RBFOX1: variants seen among roughly 807,000 people sequenced by gnomAD.
RBFOX1 encodes RNA binding fox-1 homolog 1, also known as RNA binding protein fox-1 homolog 1.
In RBFOX1, 8 loss-of-function variants were observed where a neutral mutation model predicts 57.7. The ratio of observed to expected loss-of-function variants is 0.14; its 90% confidence interval spans 0.08 to 0.25. The LOEUF is 0.25. Ranked by LOEUF, RBFOX1 falls within the 10% of genes least tolerant of loss-of-function variation. The probability of loss-of-function intolerance (pLI) is 1.00; values close to 1 mark genes in which losing one functional copy is unlikely to be tolerated. For synonymous variants in RBFOX1, 326 were observed against 222.4 expected (o/e 1.47, Z -4.15); for missense variants, 611 against 548.5 (o/e 1.11, Z -1.14).
chr16:6,497,073 A>G (rs982597521), intron 2 of RBFOX1, among the ~76,000 whole-genome samples: 5 of 152,236 alleles, frequency 3.3e-5, no homozygotes, highest in African/African-American at 4.8e-5. Flanking sequence ...AGGTAGCATA[A>G]GAAGTCATTG....
chr16:7,329,699 T>C (rs984997709), intron 4 of RBFOX1, among the ~76,000 whole-genome samples: 2 of 152,126 alleles, frequency 1.3e-5, no homozygotes, highest in Non-Finnish European at 2.9e-5. Flanking sequence ...GTATGAGTAA[T>C]GGTGATCGCG....
intron 4 of RBFOX1, among the ~76,000 whole-genome samples, chr16:7,147,842 G>A (rs540433086): frequency 3.9e-5 from 6 of 152,160 alleles, no homozygotes; most frequent in Admixed American, 2.0e-4. Context: ...CCCAGTCATG[G>A]GATTGCTGGG....
At chr16:7,089,278 A>C (rs2060450165) in intron 4 of RBFOX1, among the ~76,000 whole-genome samples, 1 of 152,250 alleles carries the variant, frequency 6.6e-6, no homozygotes, top group Non-Finnish European at 1.5e-5. Context: ...TAAAATCACT[A>C]GTTAAAACTG....
chr16:6,929,299 G>C (rs2172307), intron 3 of RBFOX1, among the ~76,000 whole-genome samples: 53,035 of 151,840 alleles, frequency 0.35, 9,565 homozygotes, highest in East Asian at 0.4. Flanking sequence ...GGAAGCTCTG[G>C]TAAATGGAAG....
intron 3 of RBFOX1, among the ~76,000 whole-genome samples, chr16:5,609,164 A>C (rs1378118915): frequency 6.6e-6 from 1 of 152,210 alleles, no homozygotes; most frequent in East Asian, 1.9e-4. Flanking sequence ...CTGTGTATCG[A>C]AATGGGCCGA....
chr16:5,506,199 G>T (rs1409896293), intron 2 of RBFOX1, among the ~76,000 whole-genome samples: 1 of 151,644 alleles, frequency 6.6e-6, no homozygotes, highest in Non-Finnish European at 1.5e-5. Flanking sequence ...TGAAGGCAGG[G>T]TTCCCAGTGT....
intron 2 of RBFOX1, among the ~76,000 whole-genome samples, chr16:6,604,885 C>G (rs1601276644): frequency 1.3e-5 from 2 of 152,060 alleles, no homozygotes; most frequent in African/African-American, 2.4e-5. Context: ...CCTGTAATCT[C>G]AACAGTTTTG....
intron 4 of RBFOX1, among the ~76,000 whole-genome samples, chr16:5,968,123 G>A (rs939878953): frequency 5.9e-5 from 9 of 152,128 alleles, no homozygotes; most frequent in Non-Finnish European, 2.9e-5. Context: ...CACCCAGGCT[G>A]GAGTGCAGCG....
chr16:6,653,350 G>C (rs140284841), intron 2 of RBFOX1, among the ~76,000 whole-genome samples: 3 of 152,124 alleles, frequency 2.0e-5, no homozygotes, highest in Non-Finnish European at 4.4e-5. Context: ...TCACCAGGGC[G>C]GGCCTGCCAT....
At chr16:5,857,953 T>C (rs1414855784) in intron 3 of RBFOX1, among the ~76,000 whole-genome samples, 1 of 151,858 alleles carries the variant, frequency 6.6e-6, no homozygotes, top group African/African-American at 2.4e-5. Flanking sequence ...TCTCAAAAAA[T>C]AAAAAAAGAA....
intron 3 of RBFOX1, among the ~76,000 whole-genome samples, chr16:6,836,402 A>G (rs879738230): frequency 6.6e-6 from 1 of 152,212 alleles, no homozygotes; most frequent in East Asian, 1.9e-4. Context: ...TAGGGTTTTA[A>G]CCTTGTTTTG....
chr16:6,843,381 A>G (rs1015247505), intron 3 of RBFOX1, among the ~76,000 whole-genome samples: 2 of 152,262 alleles, frequency 1.3e-5, no homozygotes, highest in Admixed American at 6.5e-5. Flanking sequence ...GTATAGCCCA[A>G]TCTTATTTTC....
rs74004637 is a variant in RBFOX1 at position 5,829,395 on chromosome 16, G to A, written c.319-37908G>A. Among the ~76,000 whole-genome samples, 993 of 152,346 alleles carry A rather than the reference G, an allele frequency of 6.5e-3. 13 individuals carry two copies. Among genetic ancestry groups the A allele is most frequent in the African/African-American group, 0.023 (942 of 41,586 alleles). ...TGGATTGAAGAGGCACAGTGAGGGA[G>A]CAAGGGGAACAGAGGAGGTTGTTGA... On this transcript the variant is annotated intron_variant, in intron 3 of 19. Coordinates refer to the RBFOX1 transcript ENST00000641259.
intron 3 of RBFOX1, among the ~76,000 whole-genome samples, chr16:5,631,679 A>G (rs531623318): frequency 1.3e-5 from 2 of 152,148 alleles, no homozygotes; most frequent in South Asian, 4.1e-4. Context: ...AACGGAAGCT[A>G]CTTGATCATT....
At chr16:5,672,572 T>G (rs992355165) in intron 3 of RBFOX1, among the ~76,000 whole-genome samples, 5 of 150,244 alleles carry the variant, frequency 3.3e-5, no homozygotes, top group Admixed American at 6.7e-5. Flanking sequence ...AAGATTTTCA[T>G]TTGAAGAAAA....
chr16:7,673,814 G>A (rs2072389543), intron 13 of RBFOX1, among the ~76,000 whole-genome samples: 1 of 152,168 alleles, frequency 6.6e-6, no homozygotes, highest in African/African-American at 2.4e-5. Context: ...ACTATTTTGT[G>A]TTTGTCATGC....
chr16:6,768,413 C>G (rs994535526), intron 3 of RBFOX1, among the ~76,000 whole-genome samples: 4 of 151,780 alleles, frequency 2.6e-5, no homozygotes, highest in South Asian at 2.1e-4. Flanking sequence ...TTGCTCCAAG[C>G]AAATCAAACA....
At chr16:7,475,788 C>T (rs1173817546) in intron 4 of RBFOX1, among the ~76,000 whole-genome samples, 1 of 152,122 alleles carries the variant, frequency 6.6e-6, no homozygotes, top group Non-Finnish European at 1.5e-5. Context: ...ATTAGGGTAG[C>T]TAACAGAGCA....
chr16:6,052,740 C>G (rs991401998), intron 1 of RBFOX1, among the ~76,000 whole-genome samples: 1 of 151,150 alleles, frequency 6.6e-6, no homozygotes, highest in Non-Finnish European at 1.5e-5. Flanking sequence ...GCCGAGATCG[C>G]GCCACTGCAC....
Sources: allele counts gnomAD v4.1 joint callset (sites outside exome capture counted in the v4.1 genomes callset), GRCh38; gene constraint gnomAD v4.1.1; transcripts MANE v1.5; gene names NCBI Gene and HGNC (gene_info 2026-07-23, HGNC 2026-07-21).